YWHAQ: variants seen among roughly 807,000 people sequenced by gnomAD.
The protein encoded by YWHAQ is tyrosine 3-monooxygenase/tryptophan 5-monooxygenase activation protein theta.
In YWHAQ, 6 loss-of-function variants were observed where a neutral mutation model predicts 28.3. That is an observed-to-expected ratio of 0.21 (90% CI 0.12 to 0.42). YWHAQ has a LOEUF of 0.42. Among genes scored for constraint, YWHAQ ranks in the 10% least tolerant of loss-of-function variants. The pLI, the probability that YWHAQ is intolerant of heterozygous loss-of-function variation, is 1.00. For missense variants in YWHAQ, 201 were observed against 305.6 expected (o/e 0.66, Z 2.55); for synonymous variants, 143 against 119.1 (o/e 1.20, Z -1.31).
chr2:9,586,799 G>A lies in YWHAQ; in HGVS notation c.678+615C>T, dbSNP rs143726780. The stretch of plus-strand genomic sequence containing the variant: ...GTTCCCTTCTTTTTCCTTCTGTGAA[G>A]TCTAAGATTTTACCTATCAAATTTA... On this transcript the variant is annotated intron_variant, in intron 5 of 5. Coordinates refer to ENST00000238081, the MANE Select transcript of YWHAQ (RefSeq NM_006826.4). Among the ~76,000 whole-genome samples, 30 of 152,282 alleles carry A rather than the reference G, an allele frequency of 2.0e-4. No individual in the cohort carries two copies. In the East Asian group the frequency reaches 5.6e-3, roughly 28 times the overall value.
intron 2 of YWHAQ, among the ~76,000 whole-genome samples, chr2:9,608,715 G>A (rs1558547348): frequency 6.6e-6 from 1 of 152,190 alleles, no homozygotes; most frequent in Admixed American, 6.5e-5. Context: ...TTGGGAGGCC[G>A]AGGTGGGTGG....
chr2:9,608,676 C>T (rs1465073341), intron 2 of YWHAQ, among the ~76,000 whole-genome samples: 1 of 152,178 alleles, frequency 6.6e-6, no homozygotes, highest in South Asian at 2.1e-4. Context: ...AGGCTGGGTG[C>T]GATGGCTCAC....
intron 2 of YWHAQ, among the ~76,000 whole-genome samples, chr2:9,624,197 A>G (rs1164426180): frequency 6.6e-6 from 1 of 152,180 alleles, no homozygotes; most frequent in Admixed American, 6.5e-5. Context: ...TGGAGGTTGC[A>G]GTGAGCCCAG....
rs1403693179 is a variant in YWHAQ, at chr2:9,630,502, A to G, written c.-50T>C. 3 of 1,487,710 alleles carry G rather than the reference A, an allele frequency of 2.0e-6. No individual in the cohort carries two copies. The African/African-American group carries it at 4.2e-5, about 21-fold the overall frequency. The allele number at this position is 1,487,710 out of a possible 1,614,324, so 92.2% of individuals were successfully genotyped here. ...GCGGAGGGCGAGGAGAGCGAGGGCGAGCGCCGACCCGCAGCGGGAGGAGCC... is the reference window on the plus strand; with the variant it reads ...GCGGAGGGCGAGGAGAGCGAGGGCGGGCGCCGACCCGCAGCGGGAGGAGCC... On this transcript the variant is annotated 5_prime_UTR_variant, in exon 2 of 6. Coordinates refer to ENST00000238081, the MANE Select transcript of YWHAQ (RefSeq NM_006826.4). This position sits in a 1 kb window ranked among gnomAD's most constrained non-coding sequence, Gnocchi z 5.6.
At chr2:9,598,695 T>C (rs1666626762) in intron 2 of YWHAQ, among the ~76,000 whole-genome samples, 1 of 152,216 alleles carries the variant, frequency 6.6e-6, no homozygotes, top group Non-Finnish European at 1.5e-5. Context: ...CCACACAAGA[T>C]GGTAAACTTA....
At chr2:9,608,458 A>G (rs1417866348) in intron 2 of YWHAQ, among the ~76,000 whole-genome samples, 1 of 152,190 alleles carries the variant, frequency 6.6e-6, no homozygotes, top group Non-Finnish European at 1.5e-5. Flanking sequence ...CAGAAACTCG[A>G]ACCTATGTTC....
At chr2:9,596,126 C>A (rs953673764) in intron 2 of YWHAQ, among the ~76,000 whole-genome samples, 1 of 152,014 alleles carries the variant, frequency 6.6e-6, no homozygotes, top group African/African-American at 2.4e-5. Context: ...GACTATAACA[C>A]AAAAGCTATA....
chr2:9,605,248 C>T (rs1224120520), intron 2 of YWHAQ, among the ~76,000 whole-genome samples: 1 of 151,646 alleles, frequency 6.6e-6, no homozygotes, highest in Non-Finnish European at 1.5e-5. Flanking sequence ...AGTAATCCTC[C>T]CACCTCAGCC....
rs1666309592 is a variant in YWHAQ, at chr2:9,584,732, C to A, written c.*554G>T. The A allele has an allele frequency of 6.5e-6, 1 of 152,958 alleles. No individual in the cohort carries two copies. The highest frequency in any genetic ancestry group is 1.5e-5 in the Non-Finnish European group (1 of 68,338). 9.5% of individuals were successfully genotyped at this position (152,958 alleles called of 1,614,324 possible). A position where few individuals can be genotyped will look rare whatever the true frequency, so the allele number is the denominator to read the frequency against. ...ATACACAAGACCTCCGTATGTGATA[C>A]AGGAGCCATTTCAATTTGTGACCCC... On this transcript the variant is annotated 3_prime_UTR_variant, in exon 6 of 6. Coordinates refer to ENST00000238081, the MANE Select transcript of YWHAQ (RefSeq NM_006826.4).
At position 9,623,598 on chromosome 2, in the gene YWHAQ, AC is replaced by A. The variant is rs1667187766; in HGVS notation, c.294+6560del. 2.6e-5 allele frequency among the ~76,000 whole-genome samples: 4 copies of A among 152,052 alleles called. No individual in the cohort carries two copies. In the South Asian group the frequency reaches 8.3e-4, roughly 32 times the overall value. Reference sequence around the variant, plus strand: ...AGACCAACCTGACCAACACGGAGAAACCTCGTCTCTACTAAAAATACAAAAT... The same window carrying A: ...AGACCAACCTGACCAACACGGAGAAACTCGTCTCTACTAAAAATACAAAAT... On this transcript the variant is annotated intron_variant, in intron 2 of 5. Coordinates refer to ENST00000238081, the MANE Select transcript of YWHAQ (RefSeq NM_006826.4).
chr2:9,625,914 ACT>A (rs764682437), intron 2 of YWHAQ, among the ~76,000 whole-genome samples: 25 of 152,230 alleles, frequency 1.6e-4, no homozygotes, highest in Non-Finnish European at 2.9e-4. Flanking sequence ...TACTTTTTCC[ACT>A]GTGTCAATAA....
chr2:9,590,257 G>A (rs1416257274), intron 3 of YWHAQ, among the ~76,000 whole-genome samples: 6 of 152,126 alleles, frequency 3.9e-5, no homozygotes, highest in Non-Finnish European at 5.9e-5. Context: ...ACAGTTCCGT[G>A]CCCGTATCAT....
rs1666368232 is a variant in YWHAQ, at chr2:9,587,511, TGATA to T, written c.583-6_583-3del. 1 of 1,590,460 alleles carries T rather than the reference TGATA, an allele frequency of 6.3e-7. No homozygotes were observed. Among genetic ancestry groups the T allele is most frequent in the Non-Finnish European group, 8.6e-7 (1 of 1,167,672 alleles). On this transcript the variant is annotated splice_polypyrimidine_tract_variant and splice_region_variant and intron_variant, in intron 4 of 5. Coordinates refer to ENST00000238081, the MANE Select transcript of YWHAQ (RefSeq NM_006826.4). ...TTCAGCAATGGCCTCATCAAAAGCC[TGATA>T]AATATTAATATCCATGGTAAAATAT...
chr2:9,604,248 A>T (rs1436530492), intron 2 of YWHAQ, among the ~76,000 whole-genome samples: 2 of 152,160 alleles, frequency 1.3e-5, no homozygotes, highest in Admixed American at 1.3e-4. Flanking sequence ...GACAGAAAAT[A>T]CGGGGGGAAA....
intron 2 of YWHAQ, among the ~76,000 whole-genome samples, chr2:9,594,268 T>C (rs1666523982): frequency 6.6e-6 from 1 of 152,118 alleles, no homozygotes; most frequent in Non-Finnish European, 1.5e-5. Context: ...ATTTTAATAG[T>C]TTTTTAATAA....
At chr2:9,617,095 G>A (rs1162210145) in intron 2 of YWHAQ, among the ~76,000 whole-genome samples, 1 of 151,748 alleles carries the variant, frequency 6.6e-6, no homozygotes, top group East Asian at 1.9e-4. Flanking sequence ...CGAGTAGCTG[G>A]GACTACAGGT....
intron 5 of YWHAQ, among the ~76,000 whole-genome samples, chr2:9,586,134 G>A (rs1666339660): frequency 6.6e-6 from 1 of 152,186 alleles, no homozygotes; most frequent in Non-Finnish European, 1.5e-5. Context: ...AGGAAAAGCA[G>A]ACTTACTTTG....
At chr2:9,613,693 T>C (rs912797220) in intron 2 of YWHAQ, among the ~76,000 whole-genome samples, 2 of 152,174 alleles carry the variant, frequency 1.3e-5, no homozygotes, top group Admixed American at 6.5e-5. Context: ...CCAGGCAAAA[T>C]TACATACAGT....
chr2:9,588,864 T>C (rs1175124642), intron 3 of YWHAQ, among the ~76,000 whole-genome samples: 2 of 152,094 alleles, frequency 1.3e-5, no homozygotes, highest in Non-Finnish European at 2.9e-5. Context: ...TCCCAACACT[T>C]TGGGAAGGTG....
Sources: gnomAD v4.1 joint callset for allele counts (sites outside exome capture counted in the v4.1 genomes callset) on GRCh38, gnomAD v4.1.1 for gene constraint, Gnocchi (gnomAD v3.1) non-coding constraint, MANE v1.5 for transcripts, NCBI Gene and HGNC (gene_info 2026-07-23, HGNC 2026-07-21) for gene names.